The following FAM227B variants were observed in gnomAD, a reference collection of about 807,000 sequenced individuals.
The protein encoded by FAM227B is family with sequence similarity 227 member B.
Under a neutral mutation model 73.8 loss-of-function variants are expected in FAM227B, and 88 were observed. The observed-to-expected ratio is 1.19, with a 90% CI of 1.00 to 1.42. The LOEUF (loss-of-function observed/expected upper bound fraction) is 1.42. FAM227B is among the 40% of genes most tolerant of loss of function. The pLI is 0.00. For synonymous variants in FAM227B, 210 were observed against 190.5 expected, an observed-to-expected ratio of 1.10 and a Z score of -0.84; for missense variants, 632 against 590.9, an observed-to-expected ratio of 1.07 and a Z score of -0.72.
chr15:49,511,025 T>C (rs561885296), intron 10 of FAM227B, among the ~76,000 whole-genome samples: 37 of 151,968 alleles, frequency 2.4e-4, no homozygotes, highest in Admixed American at 2.4e-3. Flanking sequence ...TACTGTGGCA[T>C]ACAGCAATTT....
At position 49,465,026 on chromosome 15, in the gene FAM227B, A is replaced by G. The variant is rs73400235; in HGVS notation, c.1012+43185T>C. ...AATGTTATAAATGTCTAGTTAAGAA[A>G]CTATAATGGACTGTATTCAATGTAT... On this transcript the variant is annotated intron_variant, in intron 11 of 15. Transcript: ENST00000299338. Among the ~76,000 whole-genome samples the G allele has an allele frequency of 9.7e-3, 1,471 of 152,352 alleles. 23 individuals are homozygous for G. The highest frequency in any genetic ancestry group is 0.034 in the African/African-American group (1,413 of 41,578).
At chr15:49,559,490 A>G (rs2074059053) in intron 9 of FAM227B, among the ~76,000 whole-genome samples, 1 of 152,124 alleles carries the variant, frequency 6.6e-6, no homozygotes, top group Non-Finnish European at 1.5e-5. Flanking sequence ...ACCACTGACC[A>G]ACTTCTAGGT....
intron 9 of FAM227B, among the ~76,000 whole-genome samples, chr15:49,550,931 G>A (rs1183273709): frequency 3.9e-5 from 6 of 152,278 alleles, no homozygotes; most frequent in East Asian, 1.9e-4. Flanking sequence ...CAAGGCAGGC[G>A]GCTGGGAGGT....
chr15:49,574,362 G>A (rs2075311909), intron 8 of FAM227B, among the ~76,000 whole-genome samples: 1 of 152,136 alleles, frequency 6.6e-6, no homozygotes, highest in African/African-American at 2.4e-5. Flanking sequence ...CATGTCGAGG[G>A]AGGGACTGGG....
intron 5 of FAM227B, among the ~76,000 whole-genome samples, chr15:49,578,773 G>A (rs929371638): frequency 1.3e-5 from 2 of 152,160 alleles, no homozygotes; most frequent in East Asian, 1.9e-4. Flanking sequence ...ATGCTTGAAA[G>A]CTATAGATCA....
At chr15:49,491,172 C>G (rs771566496) in intron 11 of FAM227B, among the ~76,000 whole-genome samples, 1 of 151,918 alleles carries the variant, frequency 6.6e-6, no homozygotes, top group African/African-American at 2.4e-5. Context: ...TCAGATTCAT[C>G]TCTTTCTTCA....
chr15:49,606,273 A>C (rs943250962), intron 3 of FAM227B: 1 of 147,364 alleles, frequency 6.8e-6, no homozygotes, highest in African/African-American at 2.5e-5. Flanking sequence ...TCTCCTAAGT[A>C]TTTTTTTTTT....
At chr15:49,549,448 T>C (rs1363181539) in intron 9 of FAM227B, among the ~76,000 whole-genome samples, 1 of 151,990 alleles carries the variant, frequency 6.6e-6, no homozygotes, top group Non-Finnish European at 1.5e-5. Flanking sequence ...GGTCTCTGGT[T>C]TTCCTAGGCA....
chr15:49,543,097 GTTGTT>G (rs951194543), intron 9 of FAM227B, among the ~76,000 whole-genome samples: 1 of 152,084 alleles, frequency 6.6e-6, no homozygotes, highest in African/African-American at 2.4e-5. Flanking sequence ...GTTTTCCATA[GTTGTT>G]TTATTTGTTT....
intron 10 of FAM227B, among the ~76,000 whole-genome samples, chr15:49,515,359 C>T (rs2059307179): frequency 6.6e-6 from 1 of 152,138 alleles, no homozygotes; most frequent in Non-Finnish European, 1.5e-5. Flanking sequence ...TCTAAGTATG[C>T]ATGTTGCGTA....
chr15:49,611,733 T>C (rs2077935578), intron 2 of FAM227B, among the ~76,000 whole-genome samples: 5 of 152,258 alleles, frequency 3.3e-5, no homozygotes. Flanking sequence ...CATTTTTTAG[T>C]AGTTTCTTTG....
chr15:49,505,347 T>G (rs1212086443), intron 11 of FAM227B, among the ~76,000 whole-genome samples: 1 of 152,164 alleles, frequency 6.6e-6, no homozygotes, highest in African/African-American at 2.4e-5. Context: ...GATTTATACA[T>G]ACGTCAAAAC....
At chr15:49,340,888 T>C (rs960757437) in intron 13 of FAM227B, among the ~76,000 whole-genome samples, 2 of 152,192 alleles carry the variant, frequency 1.3e-5, no homozygotes, top group African/African-American at 2.4e-5. Context: ...AGGATTCTTA[T>C]AGTGTAAAGT....
At chr15:49,436,624 T>C (rs2051128920) in intron 11 of FAM227B, among the ~76,000 whole-genome samples, 1 of 151,522 alleles carries the variant, frequency 6.6e-6, no homozygotes, top group African/African-American at 2.4e-5. Context: ...CACAGGGCTC[T>C]TATTAGGTGG....
intron 11 of FAM227B, among the ~76,000 whole-genome samples, chr15:49,393,841 T>C (rs376919561): frequency 6.6e-6 from 1 of 152,146 alleles, no homozygotes; most frequent in Admixed American, 6.5e-5. Flanking sequence ...CTTGAATTAG[T>C]ACCTTGGAGA....
At chr15:49,579,002 C>G (rs897406350) in intron 5 of FAM227B, among the ~76,000 whole-genome samples, 3 of 152,068 alleles carry the variant, frequency 2.0e-5, no homozygotes, top group African/African-American at 7.2e-5. Flanking sequence ...AAAAAGTAGG[C>G]AAAGGATCTG....
chr15:49,437,739 T>C (rs766783367), intron 11 of FAM227B, among the ~76,000 whole-genome samples: 14 of 151,692 alleles, frequency 9.2e-5, no homozygotes, highest in African/African-American at 3.4e-4. Context: ...TATTATGTAC[T>C]GTGTATGCAC....
intron 3 of FAM227B, among the ~76,000 whole-genome samples, chr15:49,595,571 G>A (rs1299049008): frequency 2.0e-5 from 3 of 151,720 alleles, no homozygotes; most frequent in Admixed American, 6.6e-5. Flanking sequence ...TATAATGTTG[G>A]CTGTGGGTTT....
chr15:49,532,024 G>A (rs1027718645), intron 10 of FAM227B, among the ~76,000 whole-genome samples: 3 of 148,890 alleles, frequency 2.0e-5, no homozygotes, highest in Non-Finnish European at 1.5e-5. Flanking sequence ...TATAATATAC[G>A]TAATATTATA....
Sources: gnomAD v4.1 joint callset for allele counts (sites outside exome capture counted in the v4.1 genomes callset) on GRCh38, gnomAD v4.1.1 for gene constraint, MANE v1.5 for transcripts, NCBI Gene and HGNC (gene_info 2026-07-23, HGNC 2026-07-21) for gene names.